FAM180A: variants seen among roughly 807,000 people sequenced by gnomAD.
The protein encoded by FAM180A is protein FAM180A.
FAM180A carries 14 observed loss-of-function variants against 15.3 expected under a neutral mutation model. That is an observed-to-expected ratio of 0.92 (90% CI 0.61 to 1.43). The LOEUF is 1.43. Ranked by LOEUF, FAM180A falls within the 40% of genes most tolerant of loss-of-function variation. The pLI, the probability that FAM180A is intolerant of heterozygous loss-of-function variation, is 0.00. For missense variants in FAM180A, 200 were observed against 220.8 expected, an observed-to-expected ratio of 0.91 and a Z score of 0.60; for synonymous variants, 90 against 96.8, an observed-to-expected ratio of 0.93 and a Z score of 0.41.
intron 1 of FAM180A, among the ~76,000 whole-genome samples, chr7:135,746,718 C>G (rs1797036866): frequency 6.6e-6 from 1 of 152,206 alleles, no homozygotes. Context: ...CTTCCAAGTG[C>G]TACCTCAAAG....
At chr7:135,748,446 A>G in intron 1 of FAM180A, 59 bp downstream of exon 1, 1 of 1,407,702 alleles carries the variant, frequency 7.1e-7, no homozygotes, top group Non-Finnish European at 1.0e-6. Context: ...CAAATTTTGA[A>G]TTGCATTGAA....
At chr7:135,744,664 G>A (rs575489369) in intron 1 of FAM180A, among the ~76,000 whole-genome samples, 97 of 152,316 alleles carry the variant, frequency 6.4e-4, no homozygotes, top group African/African-American at 2.0e-3. Context: ...GGCCCATGGG[G>A]GATGGAGAAA....
chr7:135,739,678 AT>A (rs1394672801), intron 1 of FAM180A, among the ~76,000 whole-genome samples: 19 of 86,134 alleles, frequency 2.2e-4, no homozygotes, highest in African/African-American at 9.6e-4. Flanking sequence ...ATCAGAAGTG[AT>A]TAAAAAAAAA....
chr7:135,747,008 G>A (rs905982021), intron 1 of FAM180A, among the ~76,000 whole-genome samples: 4 of 152,220 alleles, frequency 2.6e-5, no homozygotes, highest in Admixed American at 2.6e-4. Context: ...ACTGAGGCAC[G>A]AGAATCGCTT....
chr7:135,743,261 G>A (rs34848413), intron 1 of FAM180A, among the ~76,000 whole-genome samples: 50,955 of 140,584 alleles, frequency 0.36, 9,963 homozygotes, highest in Admixed American at 0.55. Flanking sequence ...TTGCTCTGTC[G>A]CCCACGCTGG....
At chr7:135,738,659 A>G (rs1796905058) in intron 1 of FAM180A, among the ~76,000 whole-genome samples, 1 of 152,238 alleles carries the variant, frequency 6.6e-6, no homozygotes, top group Non-Finnish European at 1.5e-5. Flanking sequence ...AGGAGAAGAC[A>G]GAACATCAGA....
Position 135,737,096 on chromosome 7 carries a change from T to C in FAM180A, c.177+3A>G. On this transcript the variant is annotated splice_donor_region_variant and intron_variant, in intron 2 of 3. Transcript: ENST00000338588. ...TGGATTGAGCATGTTCCCCTCTGCC[T>C]ACCTCGTAGAGCAGCTCCACCTCCT... 2 of 1,608,118 alleles carry C rather than the reference T, an allele frequency of 1.2e-6. No individual in the cohort carries two copies. The highest frequency in any genetic ancestry group is 1.7e-6 in the Non-Finnish European group (2 of 1,175,692).
In FAM180A at chr7:135,729,802, C is replaced by G. The variant is rs1046984890; in HGVS notation, c.*809G>C. The stretch of plus-strand genomic sequence containing the variant: ...GTATGAGGTATCTTAAGTAGTCAGA[C>G]TCTCAAAAACAGAAAGCAGAATAAT... On this transcript the variant is annotated 3_prime_UTR_variant, in exon 4 of 4. Coordinates refer to ENST00000338588, the MANE Select transcript of FAM180A (RefSeq NM_205855.4). 3 of 958,094 alleles carry G rather than the reference C, an allele frequency of 3.1e-6. No individual in the cohort carries two copies. In the African/African-American group the frequency reaches 5.3e-5, roughly 17 times the overall value. 59.3% of individuals were successfully genotyped at this position (958,094 alleles called of 1,614,324 possible).
intron 1 of FAM180A, among the ~76,000 whole-genome samples, chr7:135,738,523 T>C (rs1023416034): frequency 6.6e-6 from 1 of 152,126 alleles, no homozygotes; most frequent in Non-Finnish European, 1.5e-5. Context: ...ATGTATTTAG[T>C]ATAAAGTCAG....
Position 135,729,922 on chromosome 7 carries a change from G to T in FAM180A, c.*689C>A. On this transcript the variant is annotated 3_prime_UTR_variant, in exon 4 of 4. Transcript: ENST00000338588. ...AATTACAAGATGAGAAAGTTCCGGG[G>T]GTCTGTTTCACAACATGCATGGAGT... The T allele has an allele frequency of 1.3e-6, 1 of 748,248 alleles. No individual in the cohort carries two copies. The highest frequency in any genetic ancestry group is 1.6e-6 in the Non-Finnish European group (1 of 613,782). 46.4% of individuals were successfully genotyped at this position (748,248 alleles called of 1,614,324 possible).
intron 1 of FAM180A, among the ~76,000 whole-genome samples, chr7:135,742,392 C>G (rs573389085): frequency 6.6e-6 from 1 of 152,294 alleles, no homozygotes; most frequent in East Asian, 1.9e-4. Flanking sequence ...TGTATATGTG[C>G]AAAGCTGGAA....
At position 135,730,275 on chromosome 7, in the gene FAM180A, C is replaced by A; in HGVS notation, c.*336G>T. Reference sequence around the variant, plus strand: ...TTAGATCCTGGGCCAGGCACGGTGGCTCACGCCTGTAATCCTAGCATTTTG... The same window carrying A: ...TTAGATCCTGGGCCAGGCACGGTGGATCACGCCTGTAATCCTAGCATTTTG... On this transcript the variant is annotated 3_prime_UTR_variant, in exon 4 of 4. Transcript: ENST00000338588. 1 of 985,222 alleles carries A rather than the reference C, an allele frequency of 1.0e-6. No individual in the cohort carries two copies. The highest frequency in any genetic ancestry group is 1.2e-6 in the Non-Finnish European group (1 of 829,730). The allele number at this position is 985,222 out of a possible 1,614,324, so 61.0% of individuals were successfully genotyped here. A position where few individuals can be genotyped will look rare whatever the true frequency, so the allele number is the denominator to read the frequency against.
chr7:135,732,040 C>T (rs192586856), intron 3 of FAM180A, among the ~76,000 whole-genome samples: 9 of 152,282 alleles, frequency 5.9e-5, no homozygotes, highest in Non-Finnish European at 8.8e-5. Flanking sequence ...CCCAGACGCT[C>T]GACCCCTAGC....
At chr7:135,748,093 C>T (rs1254340448) in intron 1 of FAM180A, among the ~76,000 whole-genome samples, 1 of 152,174 alleles carries the variant, frequency 6.6e-6, no homozygotes, top group African/African-American at 2.4e-5. Flanking sequence ...TCTGGTTCCC[C>T]CAGGGAGCAG....
chr7:135,743,218 C>CT (rs10605354), intron 1 of FAM180A, among the ~76,000 whole-genome samples: 15 of 113,196 alleles, frequency 1.3e-4, no homozygotes, highest in Non-Finnish European at 2.2e-4. Flanking sequence ...CTCATTGTTC[C>CT]TTTTTTTTTT....
intron 1 of FAM180A, among the ~76,000 whole-genome samples, chr7:135,739,632 G>A (rs1796918104): frequency 6.7e-6 from 1 of 149,570 alleles, no homozygotes; most frequent in Non-Finnish European, 1.5e-5. Flanking sequence ...ACAAAAAAAG[G>A]CAGGGAAGGA....
At chr7:135,733,538 G>A (rs1328034969) in intron 3 of FAM180A, 108 bp downstream of exon 3, 23 of 517,324 alleles carry the variant, frequency 4.4e-5, no homozygotes, top group Non-Finnish European at 5.0e-5. Flanking sequence ...GTAGAGATGG[G>A]TTTTCACTGT....
rs537920622 is a variant in FAM180A at position 135,743,477 on chromosome 7, A to T, written c.76+5028T>A. Reference sequence around the variant, plus strand: ...AGTGATCCTCCTGCCTCAGCCTCTGAAAGTGCTGGGATTACAGGTGTGAGT... The same window carrying T: ...AGTGATCCTCCTGCCTCAGCCTCTGTAAGTGCTGGGATTACAGGTGTGAGT... On this transcript the variant is annotated intron_variant, in intron 1 of 3. Transcript: ENST00000338588. Among the ~76,000 whole-genome samples, 5 of 152,246 alleles carry T rather than the reference A, an allele frequency of 3.3e-5. No individual in the cohort carries two copies. In the East Asian group the frequency reaches 9.7e-4, roughly 29 times the overall value.
At chr7:135,746,813 AAG>A (rs34174832) in intron 1 of FAM180A, among the ~76,000 whole-genome samples, 51,595 of 152,026 alleles carry the variant, frequency 0.34, 10,050 homozygotes, top group Admixed American at 0.51. Context: ...AAAGAACTAA[AAG>A]AGGGCCAGGC....
Sources: gnomAD v4.1 joint callset for allele counts (sites outside exome capture counted in the v4.1 genomes callset) on GRCh38, gnomAD v4.1.1 for gene constraint, MANE v1.5 for transcripts, NCBI Gene and HGNC (gene_info 2026-07-23, HGNC 2026-07-21) for gene names.